The following GPR101 variants were observed in gnomAD, a reference collection of about 807,000 sequenced individuals.
GPR101 encodes G protein-coupled receptor 101.
Under a neutral mutation model 16.4 loss-of-function variants are expected in GPR101, and 8 were observed. The ratio of observed to expected loss-of-function variants is 0.49; its 90% CI spans 0.29 to 0.88. The LOEUF (loss-of-function observed/expected upper bound fraction) is 0.88. Ranked by LOEUF, GPR101 falls within the 40% of genes least tolerant of loss-of-function variation. The probability of loss-of-function intolerance (pLI) is 0.09; values close to 1 mark genes in which losing one functional copy is unlikely to be tolerated. For missense variants in GPR101, 375 were observed against 411.7 expected (o/e 0.91, Z 0.77); for synonymous variants, 155 against 168.7 (o/e 0.92, Z 0.63).
At position 137,030,476 on chromosome X, in the gene GPR101, A is replaced by G; in HGVS notation, c.1199T>C (p.Val400Ala). The G allele has an allele frequency of 8.3e-7, 1 of 1,211,381 alleles. No homozygotes were observed. Among genetic ancestry groups the G allele is most frequent in the Non-Finnish European group, 1.1e-6 (1 of 895,334 alleles). ...ATAGGAGAAAATGATGATGAAGATC[A>G]CTTTAGCAGCTTTGCACTGGTAGCA... Reference protein sequence around the residue: ...PRCYQCKAAKVIFIIIFSYVL... With the variant: ...PRCYQCKAAKAIFIIIFSYVL... The change falls in exon 2 of 2, where the codon GTG becomes GCG. Residue 400 changes from valine (V) to alanine (A), a missense_variant. Val to Ala is a moderately conservative substitution (Grantham distance 64). Transcript: ENST00000651716.
In GPR101 at chrX:137,031,664, G is replaced by A. The variant is rs1343185100; in HGVS notation, c.11C>T (p.Thr4Ile). The A allele has an allele frequency of 8.5e-7, 1 of 1,182,107 alleles. No homozygotes were observed. The highest frequency in any genetic ancestry group is 1.9e-5 in the South Asian group (1 of 51,699). MTS[T>I]CTNSTRESNS... The stretch of plus-strand genomic sequence containing the variant: ...ACTCTCGCGCGTGCTGTTGGTGCAG[G>A]TGGACGTCATGGCAACAGCCAGAGG... The change falls in exon 2 of 2, where the codon ACC becomes ATC. Residue 4 changes from threonine (T) to isoleucine (I), a missense_variant. Transcript: ENST00000651716.
At chrX:137,032,711 C>T (rs1316314985) in intron 1 of GPR101, among the ~76,000 whole-genome samples, 3 of 110,273 alleles carry the variant, frequency 2.7e-5, no homozygotes, top group African/African-American at 9.9e-5. Flanking sequence ...TTCTCGGACC[C>T]TCTTGTCTCT....
rs1927228673 is a variant in GPR101, at chrX:137,030,142, C to A, written c.*6G>T. On this transcript the variant is annotated 3_prime_UTR_variant, in exon 2 of 2. Coordinates refer to ENST00000651716, the MANE Select transcript of GPR101 (RefSeq NM_054021.2). ...GGACAGTTCAAGGTTTGCCTTAGAA[C>A]TAACTTCAAGGAAAAGTAGCAGAAT... 5 of 1,166,012 alleles carry A rather than the reference C, an allele frequency of 4.3e-6. No homozygotes were observed. The highest frequency in any genetic ancestry group is 5.7e-6 in the Non-Finnish European group (5 of 873,885).
Position 137,031,448 on chromosome X carries a change from G to A in GPR101, c.227C>T (p.Thr76Ile). The change falls in exon 2 of 2, where the codon ACC becomes ATC. Residue 76 changes from threonine (T) to isoleucine (I), a missense_variant. Coordinates refer to ENST00000651716, the MANE Select transcript of GPR101 (RefSeq NM_054021.2). ...TNRFIFNLLV[T>I]DLLQISLVAP... is the part of the protein sequence containing the mutation. The stretch of plus-strand genomic sequence containing the variant: ...CACGAGCGAAATCTGCAGCAGGTCG[G>A]TGACGAGGAGGTTAAAGATAAAACG... 1 of 1,191,339 alleles carries A rather than the reference G, an allele frequency of 8.4e-7. No homozygotes were observed. The highest frequency in any genetic ancestry group is 1.1e-6 in the Non-Finnish European group (1 of 884,687).
At position 137,027,628 on chromosome X, in the gene GPR101, T is replaced by G; in HGVS notation, c.*2520A>C. Among the ~76,000 whole-genome samples the G allele has an allele frequency of 8.9e-6, 1 of 112,353 alleles. No homozygotes were observed. The highest frequency in any genetic ancestry group is 3.7e-4 in the South Asian group (1 of 2,712). On this transcript the variant is annotated 3_prime_UTR_variant, in exon 2 of 2. Transcript: ENST00000651716. ...TCCAGGCTCATAGTTTCAAAAGGTC[T>G]TCACTTTTGAGGAATCCAATTTACC...
At chrX:137,033,387 A>G (rs765394895) in intron 1 of GPR101, among the ~76,000 whole-genome samples, 4 of 109,627 alleles carry the variant, frequency 3.6e-5, no homozygotes, top group Admixed American at 3.0e-4. Context: ...AATGAGATAC[A>G]TACAGAGAGA....
rs767282141 is a variant in GPR101 at position 137,027,961 on chromosome X, C to T, written c.*2187G>A. Among the ~76,000 whole-genome samples, 1 of 112,487 alleles carries T rather than the reference C, an allele frequency of 8.9e-6. No homozygotes were observed. Among genetic ancestry groups the T allele is most frequent in the East Asian group, 2.8e-4 (1 of 3,600 alleles). ...GGATAGGCTATAGCTACCTTGAACTCCTTTGACAATTTGAACAGACCTGAA... is the reference window on the plus strand; with the variant it reads ...GGATAGGCTATAGCTACCTTGAACTTCTTTGACAATTTGAACAGACCTGAA... On this transcript the variant is annotated 3_prime_UTR_variant, in exon 2 of 2. Coordinates refer to ENST00000651716, the MANE Select transcript of GPR101 (RefSeq NM_054021.2).
rs1927162325 is a variant in GPR101 at position 137,025,904 on chromosome X, A to C, written c.*4244T>G. 8.9e-6 allele frequency among the ~76,000 whole-genome samples: 1 copy of C among 112,631 alleles called. No homozygotes were observed. Among genetic ancestry groups the C allele is most frequent in the Admixed American group, 9.4e-5 (1 of 10,655 alleles). On this transcript the variant is annotated 3_prime_UTR_variant, in exon 2 of 2. Coordinates refer to ENST00000651716, the MANE Select transcript of GPR101 (RefSeq NM_054021.2). ...AGATCATTGCTAAGTAATTGGAAAG[A>C]ATTTATGACAAGGATTTCTCTTCTT...
rs1431040887 is a variant in GPR101 at position 137,025,689 on chromosome X, C to A, written c.*4459G>T. Reference sequence around the variant, plus strand: ...GAGGCAATGATGGAAACACTTGACACCTATTAGCAACCTTCGTTTACCTTG... The same window carrying A: ...GAGGCAATGATGGAAACACTTGACAACTATTAGCAACCTTCGTTTACCTTG... On this transcript the variant is annotated 3_prime_UTR_variant, in exon 2 of 2. Transcript: ENST00000651716. 6.2e-5 allele frequency among the ~76,000 whole-genome samples: 7 copies of A among 112,071 alleles called. No homozygotes were observed. The Admixed American group carries it at 6.6e-4, about 11-fold the overall frequency.
At chrX:137,031,983 C>CGCGT (rs1345599987) in intron 1 of GPR101, among the ~76,000 whole-genome samples, 2 of 111,012 alleles carry the variant, frequency 1.8e-5, no homozygotes, top group Admixed American at 1.9e-4. Context: ...CTCCTGCTGG[C>CGCGT]GCGTGCGTGC....
chrX:137,027,885 C>T lies in GPR101; in HGVS notation c.*2263G>A, dbSNP rs1160192542. 8.9e-6 allele frequency among the ~76,000 whole-genome samples: 1 copy of T among 112,346 alleles called. No homozygotes were observed. The highest frequency in any genetic ancestry group is 2.8e-4 in the East Asian group (1 of 3,609). The stretch of plus-strand genomic sequence containing the variant: ...TCAGTTTTAACACAATGTTTGGAGA[C>T]ATTTATGTTTGAAATCCTGTTTCCT... On this transcript the variant is annotated 3_prime_UTR_variant, in exon 2 of 2. Coordinates refer to ENST00000651716, the MANE Select transcript of GPR101 (RefSeq NM_054021.2).
chrX:137,033,297 G>C (rs1484977583), intron 1 of GPR101, among the ~76,000 whole-genome samples: 1 of 109,061 alleles, frequency 9.2e-6, no homozygotes, highest in Non-Finnish European at 1.9e-5. Context: ...AGGGGTGCAG[G>C]GTGGTGGAGA....
Position 137,024,900 on chromosome X carries a change from T to C in GPR101, c.*5248A>G, listed in dbSNP as rs1342466585. ...GCAGTATTCTTTTCGTCCTGCTAAC[T>C]GGACTCTACTTGCCTATCCTGGAGT... On this transcript the variant is annotated 3_prime_UTR_variant, in exon 2 of 2. Coordinates refer to ENST00000651716, the MANE Select transcript of GPR101 (RefSeq NM_054021.2). Among the ~76,000 whole-genome samples the C allele has an allele frequency of 8.9e-6, 1 of 112,208 alleles. No individual in the cohort carries two copies. The highest frequency in any genetic ancestry group is 1.9e-5 in the Non-Finnish European group (1 of 53,271).
In GPR101 at chrX:137,025,872, G is replaced by T. The variant is rs1306041396; in HGVS notation, c.*4276C>A. ...GTAAGCAAGCTGGGCATTTGACGTA[G>T]AGGAAGAGATCATTGCTAAGTAATT... On this transcript the variant is annotated 3_prime_UTR_variant, in exon 2 of 2. Coordinates refer to ENST00000651716, the MANE Select transcript of GPR101 (RefSeq NM_054021.2). Among the ~76,000 whole-genome samples, 1 of 112,900 alleles carries T rather than the reference G, an allele frequency of 8.9e-6. No individual in the cohort carries two copies. Among genetic ancestry groups the T allele is most frequent in the Non-Finnish European group, 1.9e-5 (1 of 53,408 alleles).
rs1244041932 is a variant in GPR101, at chrX:137,033,424, GAGAA to G, written c.-93+374_-93+377del. On this transcript the variant is annotated intron_variant, in intron 1 of 1. Coordinates refer to ENST00000651716, the MANE Select transcript of GPR101 (RefSeq NM_054021.2). ...AGAGAGAATGTGAGCAACAGAGAGG[GAGAA>G]AGAAAGAAAAAAGAAGAAATGGGAG... Among the ~76,000 whole-genome samples the G allele has an allele frequency of 3.7e-5, 4 of 109,164 alleles. No individual in the cohort carries two copies. In the Admixed American group the frequency reaches 3.9e-4, roughly 11 times the overall value. 94.8% of individuals were successfully genotyped at this position (109,164 alleles called of 115,157 possible).
At chrX:137,032,536 C>A (rs1927287702) in intron 1 of GPR101, among the ~76,000 whole-genome samples, 1 of 110,414 alleles carries the variant, frequency 9.1e-6, no homozygotes, top group Non-Finnish European at 1.9e-5. Context: ...CAGTCTATTT[C>A]CCCAGCAGTT....
Position 137,023,947 on chromosome X carries a change from C to T in GPR101, c.*6201G>A, listed in dbSNP as rs749178859. 1.3e-4 allele frequency among the ~76,000 whole-genome samples: 15 copies of T among 111,511 alleles called. No individual in the cohort carries two copies. Among genetic ancestry groups the T allele is most frequent in the Non-Finnish European group, 2.6e-4 (14 of 53,142 alleles). ...AACCAGATACACACATAAAATTTGA[C>T]TTTATTTAGAATATTTAAGAGGAAT... On this transcript the variant is annotated 3_prime_UTR_variant, in exon 2 of 2. Coordinates refer to ENST00000651716, the MANE Select transcript of GPR101 (RefSeq NM_054021.2).
In GPR101 at chrX:137,029,965, C is replaced by T. The variant is rs946725001; in HGVS notation, c.*183G>A. On this transcript the variant is annotated 3_prime_UTR_variant, in exon 2 of 2. Coordinates refer to ENST00000651716, the MANE Select transcript of GPR101 (RefSeq NM_054021.2). Reference sequence around the variant, plus strand: ...CAGAATCCTCAAGTCCATGCTTTTACGGAAAGACCCCAGTTCCTGCCTCTT... The same window carrying T: ...CAGAATCCTCAAGTCCATGCTTTTATGGAAAGACCCCAGTTCCTGCCTCTT... Among the ~76,000 whole-genome samples the T allele has an allele frequency of 8.9e-6, 1 of 112,067 alleles. No individual in the cohort carries two copies.
chrX:137,029,324 T>G lies in GPR101; in HGVS notation c.*824A>C, dbSNP rs2148743730. On this transcript the variant is annotated 3_prime_UTR_variant, in exon 2 of 2. Coordinates refer to ENST00000651716, the MANE Select transcript of GPR101 (RefSeq NM_054021.2). ...TAAGGGAAGTTGTAAAATAGTGGCATGATTTCTGCCCCACTATTATTCAAA... is the reference window on the plus strand; with the variant it reads ...TAAGGGAAGTTGTAAAATAGTGGCAGGATTTCTGCCCCACTATTATTCAAA... Among the ~76,000 whole-genome samples the G allele has an allele frequency of 8.9e-6, 1 of 112,489 alleles. No individual in the cohort carries two copies. The highest frequency in any genetic ancestry group is 2.8e-4 in the East Asian group (1 of 3,606).
Sources: gnomAD v4.1 joint callset for allele counts (sites outside exome capture counted in the v4.1 genomes callset) on GRCh38, gnomAD v4.1.1 for gene constraint, MANE v1.5 for transcripts, NCBI Gene and HGNC (gene_info 2026-07-23, HGNC 2026-07-21) for gene names.